Variants in ARK2C observed in about 807,000 individuals in gnomAD.
The protein encoded by ARK2C is arkadia (RNF111) C-terminal like ring finger ubiquitin ligase 2C.
chr18:46,407,858 T>G, the ARK2C span, among the ~76,000 whole-genome samples: 1 of 152,224 alleles, frequency 6.6e-6, no homozygotes. Flanking sequence ...TCATCACAAA[T>G]GTCACAAAGC....
the ARK2C span, among the ~76,000 whole-genome samples, chr18:46,373,371 C>T: frequency 2.6e-5 from 4 of 152,274 alleles, no homozygotes; most frequent in African/African-American, 9.6e-5. Context: ...GGCGGCTGGC[C>T]TGCCAGGTAC....
the ARK2C span, among the ~76,000 whole-genome samples, chr18:46,408,528 C>T: frequency 6.6e-6 from 1 of 152,202 alleles, no homozygotes; most frequent in South Asian, 2.1e-4. Flanking sequence ...GAGGAACTTA[C>T]CCGTAGTCAA....
the ARK2C span, among the ~76,000 whole-genome samples, chr18:46,443,240 T>A: frequency 1.3e-5 from 2 of 152,342 alleles, no homozygotes; most frequent in South Asian, 2.1e-4. Flanking sequence ...AATTTGTGTC[T>A]GTTTTTTGCC....
the ARK2C span, among the ~76,000 whole-genome samples, chr18:46,352,699 T>A: frequency 2.2e-4 from 33 of 152,286 alleles, no homozygotes. Flanking sequence ...GACACAGCAC[T>A]GCACAAGCCA....
chr18:46,410,562 A>G, the ARK2C span, among the ~76,000 whole-genome samples: 34 of 152,332 alleles, frequency 2.2e-4, no homozygotes, highest in South Asian at 6.4e-3. Flanking sequence ...ATTGCTGTCA[A>G]TTTCGTCCCA....
At chr18:46,361,193 C>A in the ARK2C span, among the ~76,000 whole-genome samples, 2 of 152,100 alleles carry the variant, frequency 1.3e-5, no homozygotes, top group Non-Finnish European at 2.9e-5. Context: ...CTCCTTAGAG[C>A]CTTTGGGTGC....
At chr18:46,382,180 A>T in the ARK2C span, among the ~76,000 whole-genome samples, 1 of 152,092 alleles carries the variant, frequency 6.6e-6, no homozygotes, top group African/African-American at 2.4e-5. Flanking sequence ...GGTTGTTGGT[A>T]ACACCCATCC....
the ARK2C span, among the ~76,000 whole-genome samples, chr18:46,397,559 GGT>G: frequency 2.7e-3 from 230 of 83,900 alleles, 1 homozygote; most frequent in East Asian, 8.4e-3. Context: ...GGGGTGTGAG[GGT>G]GTGTGTGTGT....
the ARK2C span, among the ~76,000 whole-genome samples, chr18:46,399,253 G>C: frequency 1.6e-4 from 24 of 152,312 alleles, no homozygotes; most frequent in Admixed American, 1.4e-3. Context: ...TGGTACTCTG[G>C]ACGTCCAGGG....
At chr18:46,346,815 G>A in the ARK2C span, among the ~76,000 whole-genome samples, 1 of 152,186 alleles carries the variant, frequency 6.6e-6, no homozygotes, top group Non-Finnish European at 1.5e-5. Flanking sequence ...GACAGTTTTA[G>A]GGGTCTTAGG....
chr18:46,372,975 G>A, the ARK2C span, among the ~76,000 whole-genome samples: 47 of 152,342 alleles, frequency 3.1e-4, no homozygotes, highest in Admixed American at 2.8e-3. Flanking sequence ...CAGGGAGGGG[G>A]ACCCTCCTGC....
the ARK2C span, among the ~76,000 whole-genome samples, chr18:46,365,250 G>A: frequency 2.6e-5 from 4 of 152,126 alleles, no homozygotes; most frequent in African/African-American, 9.7e-5. Flanking sequence ...GCTCCCATGT[G>A]GGCTCTTCAG....
At chr18:46,366,353 A>G in the ARK2C span, among the ~76,000 whole-genome samples, 54 of 151,058 alleles carry the variant, frequency 3.6e-4, no homozygotes, top group Admixed American at 3.5e-3. Flanking sequence ...ATATAGGCCT[A>G]AGCCCTCTGG....
At chr18:46,425,474 C>G in the ARK2C span, among the ~76,000 whole-genome samples, 1 of 152,238 alleles carries the variant, frequency 6.6e-6, no homozygotes. Context: ...TTTCAGCCCC[C>G]TTTTCCTTGG....
At chr18:46,398,853 T>C in the ARK2C span, among the ~76,000 whole-genome samples, 2 of 151,820 alleles carry the variant, frequency 1.3e-5, no homozygotes, top group Non-Finnish European at 2.9e-5. Flanking sequence ...TCTCGTCTGG[T>C]CATTATCTCA....
At chr18:46,456,840 T>A in the ARK2C span, 2 of 548,374 alleles carry the variant, frequency 3.6e-6, no homozygotes, top group Non-Finnish European at 6.6e-6. Flanking sequence ...ATGGCGACTG[T>A]CCCCATCCGC....
chr18:46,435,007 G>A, the ARK2C span, among the ~76,000 whole-genome samples: 1 of 152,176 alleles, frequency 6.6e-6, no homozygotes, highest in East Asian at 1.9e-4. Context: ...AGTGTGGGTG[G>A]AGCCAGGTAA....
the ARK2C span, among the ~76,000 whole-genome samples, chr18:46,418,527 T>C: frequency 6.6e-5 from 10 of 152,230 alleles, no homozygotes; most frequent in Non-Finnish European, 1.0e-4. Flanking sequence ...TGACAGCACA[T>C]GTGAATTTGA....
At chr18:46,337,622 C>T in the ARK2C span, 1 of 983,384 alleles carries the variant, frequency 1.0e-6, no homozygotes, top group Non-Finnish European at 1.2e-6. Flanking sequence ...TATACAATCT[C>T]TCAATAAAGA....
Sources: allele counts gnomAD v4.1 joint callset (sites outside exome capture counted in the v4.1 genomes callset), GRCh38; gene constraint gnomAD v4.1.1; transcripts MANE v1.5; gene names NCBI Gene and HGNC (gene_info 2026-07-23, HGNC 2026-07-21).